IRF2: variants seen among roughly 807,000 people sequenced by gnomAD.
The protein encoded by IRF2 is interferon regulatory factor 2.
IRF2 carries 15 observed loss-of-function variants against 40.6 expected under a neutral mutation model. The observed-to-expected ratio is 0.37, with a 90% CI of 0.25 to 0.57. IRF2 has a LOEUF of 0.57. Ranked by LOEUF, IRF2 falls within the 20% of genes least tolerant of loss-of-function variation. The pLI, the probability that IRF2 is intolerant of heterozygous loss-of-function variation, is 0.77. For synonymous variants in IRF2, 151 were observed against 165.5 expected (o/e 0.91, Z 0.67); for missense variants, 317 against 455.7 (o/e 0.70, Z 2.77).
chr4:184,432,371 G>A (rs1247810610), intron 1 of IRF2, among the ~76,000 whole-genome samples: 1 of 152,242 alleles, frequency 6.6e-6, no homozygotes, highest in East Asian at 1.9e-4. Context: ...AGGCTACAGA[G>A]TGCGACATTT....
At chr4:184,391,706 G>C (rs793778) in intron 7 of IRF2, among the ~76,000 whole-genome samples, 143,940 of 152,336 alleles carry the variant, frequency 0.94, 68,022 homozygotes, top group Admixed American at 0.97. Context: ...GCCTGGATTC[G>C]TGACTCAAAG....
chr4:184,444,342 CG>C (rs1561117651), intron 1 of IRF2, among the ~76,000 whole-genome samples: 1 of 152,150 alleles, frequency 6.6e-6, no homozygotes, highest in Admixed American at 6.5e-5. Context: ...GGTCTCCATC[CG>C]GCAACTATAG....
At position 184,425,978 on chromosome 4, in the gene IRF2, TTTTGTTTGTTTG is replaced by T. The variant is rs200905685; in HGVS notation, c.87+2988_87+2999del. ...AGGTCTCTGCAGGGCTCACTCCGGTTTTTGTTTGTTTGTTTGTTTGTTTGTTTGTTTGTTTGT... is the reference window on the plus strand; with the variant it reads ...AGGTCTCTGCAGGGCTCACTCCGGTTTTTGTTTGTTTGTTTGTTTGTTTGT... On this transcript the variant is annotated intron_variant, in intron 2 of 8. Coordinates refer to ENST00000393593, the MANE Select transcript of IRF2 (RefSeq NM_002199.4). Among the ~76,000 whole-genome samples the T allele has an allele frequency of 5.2e-3, 516 of 99,020 alleles. 1 individual carries two copies. The highest frequency in any genetic ancestry group is 8.1e-3 in the Non-Finnish European group (306 of 37,900). The allele number at this position is 99,020 out of a possible 152,430, so 65.0% of individuals were successfully genotyped here. A position where few individuals can be genotyped will look rare whatever the true frequency, so the allele number is the denominator to read the frequency against.
At position 184,415,873 on chromosome 4, in the gene IRF2, T is replaced by C. The variant is rs368143460; in HGVS notation, c.411+2294A>G. ...TATTCAGTTATCAAATACGTATTAG[T>C]GATCTGTTCTGGGCCAGGCACTGAG... On this transcript the variant is annotated intron_variant, in intron 5 of 8. Coordinates refer to ENST00000393593, the MANE Select transcript of IRF2 (RefSeq NM_002199.4). 6.8e-4 allele frequency among the ~76,000 whole-genome samples: 104 copies of C among 152,320 alleles called. 1 individual carries two copies. Among genetic ancestry groups the C allele is most frequent in the African/African-American group, 2.4e-3 (100 of 41,566 alleles).
chr4:184,458,965 ATAT>A (rs1739038589), intron 1 of IRF2, among the ~76,000 whole-genome samples: 1 of 148,454 alleles, frequency 6.7e-6, no homozygotes, highest in African/African-American at 2.6e-5. Flanking sequence ...TATTACGGCA[ATAT>A]TTTTTTTTCA....
chr4:184,396,815 G>C (rs1324448067), intron 7 of IRF2, among the ~76,000 whole-genome samples: 1 of 152,078 alleles, frequency 6.6e-6, no homozygotes, highest in Admixed American at 6.5e-5. Flanking sequence ...CAAGTCAACT[G>C]TATCATACCA....
intron 2 of IRF2, among the ~76,000 whole-genome samples, chr4:184,426,680 G>T (rs1737686467): frequency 6.6e-6 from 1 of 152,164 alleles, no homozygotes; most frequent in Non-Finnish European, 1.5e-5. Context: ...AACCACAGCG[G>T]TCAACATATC....
intron 1 of IRF2, among the ~76,000 whole-genome samples, chr4:184,451,659 A>T (rs946146242): frequency 6.6e-6 from 1 of 152,124 alleles, no homozygotes; most frequent in African/African-American, 2.4e-5. Context: ...TGTGCCATTG[A>T]TCCTGAAACA....
intron 6 of IRF2, among the ~76,000 whole-genome samples, chr4:184,400,691 G>A (rs1488148705): frequency 6.6e-6 from 1 of 152,192 alleles, no homozygotes; most frequent in Non-Finnish European, 1.5e-5. Flanking sequence ...CAGTGTCTGA[G>A]TGATCAAATT....
rs962570185 is a variant in IRF2, at chr4:184,448,540, A to C, written c.-6-19470T>G. On this transcript the variant is annotated intron_variant, in intron 1 of 8. Coordinates refer to ENST00000393593, the MANE Select transcript of IRF2 (RefSeq NM_002199.4). This position sits in a 1 kb window ranked among gnomAD's most constrained non-coding sequence, Gnocchi z 4.3. ...GAAAAGCGCTCAGATTTAGGCGCCA[A>C]AGATTTACCTCCAGCCAAACTTCTG... The C allele has an allele frequency of 6.6e-6, 1 of 152,218 alleles. No homozygotes were observed. The highest frequency in any genetic ancestry group is 2.4e-5 in the African/African-American group (1 of 41,460). 9.4% of individuals were successfully genotyped at this position (152,218 alleles called of 1,614,324 possible).
At chr4:184,399,154 T>C in intron 6 of IRF2, 75 bp from the exon 7 acceptor site, 1 of 1,473,926 alleles carries the variant, frequency 6.8e-7, no homozygotes, top group East Asian at 2.4e-5. Flanking sequence ...AGAAAGAGTC[T>C]TCCCCAAAAG....
At chr4:184,439,400 A>AT (rs773273086) in intron 1 of IRF2, among the ~76,000 whole-genome samples, 17 of 151,092 alleles carry the variant, frequency 1.1e-4, no homozygotes, top group Non-Finnish European at 2.1e-4. Context: ...AGAACCGGGA[A>AT]TTTTTTTTAT....
chr4:184,438,483 A>G (rs778248967), intron 1 of IRF2, among the ~76,000 whole-genome samples: 3 of 152,222 alleles, frequency 2.0e-5, no homozygotes, highest in Non-Finnish European at 4.4e-5. Flanking sequence ...ATGTCACATT[A>G]TATTATACTG....
intron 1 of IRF2, among the ~76,000 whole-genome samples, chr4:184,460,462 A>T (rs935122424): frequency 6.6e-6 from 1 of 152,250 alleles, no homozygotes; most frequent in African/African-American, 2.4e-5. Context: ...GATGATTGTA[A>T]TGGTAAATTT....
At chr4:184,424,331 A>G (rs1196762964) in intron 2 of IRF2, among the ~76,000 whole-genome samples, 1 of 152,172 alleles carries the variant, frequency 6.6e-6, no homozygotes, top group Non-Finnish European at 1.5e-5. Flanking sequence ...AAACTTATTA[A>G]AAGTAGGTGC....
In IRF2 at chr4:184,388,899, G is replaced by A. The variant is rs59219184; in HGVS notation, c.909C>T (p.Ser303=). ...GGAGGTCTTGAAAAGGGGGCCAGGA[G>A]CTGTTGTAAGGCACCGGATTGCTCT... ...KEESNPVPYN[S]SWPPFQDLPL... Residue 303 remains serine (S), a synonymous_variant, in exon 9 of 9, where the codon AGC becomes AGT. Coordinates refer to ENST00000393593, the MANE Select transcript of IRF2 (RefSeq NM_002199.4). This position sits in a 1 kb window ranked among gnomAD's most constrained non-coding sequence, Gnocchi z 4.6. The A allele has an allele frequency of 3.3e-3, 5,368 of 1,614,068 alleles. 162 individuals are homozygous for A. The African/African-American group carries it at 0.064, about 19-fold the overall frequency.
intron 1 of IRF2, among the ~76,000 whole-genome samples, chr4:184,432,957 G>A (rs1043775507): frequency 2.6e-5 from 4 of 152,074 alleles, no homozygotes; most frequent in African/African-American, 7.3e-5. Context: ...CATCTGTTAC[G>A]GCAGCCCTGA....
chr4:184,441,901 T>C (rs1443864438), intron 1 of IRF2, among the ~76,000 whole-genome samples: 1 of 152,184 alleles, frequency 6.6e-6, no homozygotes, highest in African/African-American at 2.4e-5. Flanking sequence ...GAACTCATAT[T>C]TGAACTGGAG....
intron 1 of IRF2, among the ~76,000 whole-genome samples, chr4:184,429,420 C>G (rs1346448145): frequency 6.6e-6 from 1 of 152,172 alleles, no homozygotes; most frequent in Admixed American, 6.5e-5. Flanking sequence ...TCAGAGGCCC[C>G]AACGCCTTTG....
Sources: allele counts gnomAD v4.1 joint callset (sites outside exome capture counted in the v4.1 genomes callset), GRCh38; gene constraint gnomAD v4.1.1; non-coding constraint Gnocchi (gnomAD v3.1); transcripts MANE v1.5; gene names NCBI Gene and HGNC (gene_info 2026-07-23, HGNC 2026-07-21).